Variants in SYNPR observed in about 807,000 individuals in gnomAD.
SYNPR encodes the protein synaptoporin.
A neutral mutation model predicts 32.9 loss-of-function variants in SYNPR; 23 were observed. That is an observed-to-expected ratio of 0.70 (90% CI 0.50 to 0.99). The LOEUF is 0.99. SYNPR is among the 50% of genes least tolerant of loss of function. The pLI is 0.00. For synonymous variants in SYNPR, 146 were observed against 135.9 expected (o/e 1.07, Z -0.52); for missense variants, 318 against 349.3 (o/e 0.91, Z 0.71).
chr3:63,279,179 G>C (rs772455470), intron 2 of SYNPR, among the ~76,000 whole-genome samples: 1 of 152,116 alleles, frequency 6.6e-6, no homozygotes, highest in Non-Finnish European at 1.5e-5. Flanking sequence ...TCAGAAAGTT[G>C]GTCAGAACTG....
At chr3:63,211,627 A>G in the SYNPR span, among the ~76,000 whole-genome samples, 1 of 152,160 alleles carries the variant, frequency 6.6e-6, no homozygotes, top group Non-Finnish European at 1.5e-5. Context: ...GAGAAAAATT[A>G]GCCTGCCATA....
intron 4 of SYNPR, among the ~76,000 whole-genome samples, chr3:63,595,156 T>C (rs938286955): frequency 3.3e-5 from 5 of 152,120 alleles, no homozygotes; most frequent in African/African-American, 1.2e-4. Context: ...GTGATAACCA[T>C]CAAAAAGACA....
intron 2 of SYNPR, among the ~76,000 whole-genome samples, chr3:63,372,278 A>T (rs1323698370): frequency 6.6e-6 from 1 of 151,928 alleles, no homozygotes; most frequent in Non-Finnish European, 1.5e-5. Context: ...CCTGCTTCTC[A>T]CCAAGTGAAG....
chr3:63,424,332 G>T (rs1342460103), intron 2 of SYNPR, among the ~76,000 whole-genome samples: 1 of 152,140 alleles, frequency 6.6e-6, no homozygotes, highest in African/African-American at 2.4e-5. Flanking sequence ...GGGGTGTCAT[G>T]TAGGAAAATA....
chr3:63,343,697 A>C (rs2107006091), intron 2 of SYNPR, among the ~76,000 whole-genome samples: 1 of 152,324 alleles, frequency 6.6e-6, no homozygotes. Context: ...TTACCCTAGA[A>C]GTTGTTTTCT....
chr3:63,352,158 A>G (rs1461326547), intron 2 of SYNPR, among the ~76,000 whole-genome samples: 1 of 152,104 alleles, frequency 6.6e-6, no homozygotes. Flanking sequence ...CACTGAGGGG[A>G]GAGGGATAGG....
chr3:63,613,610 C>CA (rs10566584), intron 5 of SYNPR, among the ~76,000 whole-genome samples: 1,780 of 46,006 alleles, frequency 0.039, 376 homozygotes, highest in Middle Eastern at 0.059. Context: ...TATGCTGCAG[C>CA]AAAAAAAAAA....
At chr3:63,372,760 G>A (rs76125096) in intron 2 of SYNPR, among the ~76,000 whole-genome samples, 4,023 of 152,280 alleles carry the variant, frequency 0.026, 166 homozygotes, top group African/African-American at 0.09. Context: ...GCCTGAGCTC[G>A]CCCCAGGGCT....
intron 2 of SYNPR, among the ~76,000 whole-genome samples, chr3:63,309,939 G>C (rs949610): frequency 0.47 from 70,820 of 151,600 alleles, 16,742 homozygotes; most frequent in Middle Eastern, 0.53. Flanking sequence ...TGCTTTGTGG[G>C]TGTCTGAGAC....
chr3:63,471,080 T>C (rs1700786491), intron 2 of SYNPR, among the ~76,000 whole-genome samples: 1 of 152,216 alleles, frequency 6.6e-6, no homozygotes. Flanking sequence ...CCCCAGTTGA[T>C]GGCATGAAGT....
intron 2 of SYNPR, among the ~76,000 whole-genome samples, chr3:63,373,475 A>G (rs1243671691): frequency 3.3e-5 from 5 of 152,234 alleles, no homozygotes; most frequent in Non-Finnish European, 5.9e-5. Flanking sequence ...CTGAGGAAAC[A>G]ATCTCAGAGC....
At chr3:63,228,932 A>AAAAC (rs61065374) in intron 1 of SYNPR, among the ~76,000 whole-genome samples, 1,539 of 151,874 alleles carry the variant, frequency 0.01, 22 homozygotes, top group African/African-American at 0.034. Context: ...GCGCTTCTCC[A>AAAAC]AAACAAACAA....
chr3:63,598,226 A>T (rs989269643), intron 4 of SYNPR, among the ~76,000 whole-genome samples: 2 of 152,352 alleles, frequency 1.3e-5, no homozygotes, highest in Admixed American at 1.3e-4. Context: ...TGCTTGTGCC[A>T]CTATTAGAAA....
intron 3 of SYNPR, among the ~76,000 whole-genome samples, chr3:63,511,067 G>A (rs1212297026): frequency 6.6e-6 from 1 of 151,882 alleles, no homozygotes; most frequent in Non-Finnish European, 1.5e-5. Context: ...TTTTTGGTAG[G>A]TGAAGCCTAA....
chr3:63,326,215 T>C (rs1287583090), intron 2 of SYNPR, among the ~76,000 whole-genome samples: 1 of 151,998 alleles, frequency 6.6e-6, no homozygotes, highest in African/African-American at 2.4e-5. Context: ...CTTAGAAAAG[T>C]TAAGGGACAT....
intron 1 of SYNPR, among the ~76,000 whole-genome samples, chr3:63,236,357 A>G (rs374861451): frequency 1.4e-3 from 207 of 152,070 alleles, no homozygotes; most frequent in Middle Eastern, 0.01. Flanking sequence ...CAACCATTTT[A>G]GGGCCTATGT....
intron 2 of SYNPR, among the ~76,000 whole-genome samples, chr3:63,413,961 T>C (rs1323725115): frequency 6.6e-6 from 1 of 151,586 alleles, no homozygotes; most frequent in Non-Finnish European, 1.5e-5. Flanking sequence ...TGGGTGTGAG[T>C]ATAAGAAACC....
chr3:63,438,004 C>T (rs1311464153), intron 2 of SYNPR, among the ~76,000 whole-genome samples: 1 of 152,172 alleles, frequency 6.6e-6, no homozygotes, highest in Admixed American at 6.5e-5. Flanking sequence ...TAAAGGGGAG[C>T]ATGCTTAGCC....
chr3:63,220,492 C>T, the SYNPR span, among the ~76,000 whole-genome samples: 1 of 152,098 alleles, frequency 6.6e-6, no homozygotes, highest in Non-Finnish European at 1.5e-5. Flanking sequence ...TTGCCAGCTG[C>T]TCCCTGTTAG....
Sources: gnomAD v4.1 joint callset for allele counts (sites outside exome capture counted in the v4.1 genomes callset) on GRCh38, gnomAD v4.1.1 for gene constraint, MANE v1.5 for transcripts, NCBI Gene and HGNC (gene_info 2026-07-23, HGNC 2026-07-21) for gene names.